The following CEP120 variants were observed in gnomAD, a reference collection of about 807,000 sequenced individuals.
The protein encoded by CEP120 is centrosomal protein of 120 kDa.
In CEP120, 113 loss-of-function variants were observed where a neutral mutation model predicts 126.5. The observed-to-expected ratio is 0.89, with a 90% confidence interval of 0.77 to 1.04. The LOEUF is 1.04. Ranked by LOEUF, CEP120 falls within the 50% of genes least tolerant of loss-of-function variation. The probability of loss-of-function intolerance (pLI) is 0.00; values close to 1 mark genes in which losing one functional copy is unlikely to be tolerated. For missense variants in CEP120, 1,230 were observed against 1,155.7 expected (o/e 1.06, Z -0.93); for synonymous variants, 400 against 394.3 (o/e 1.01, Z -0.17).
chr5:123,378,407 C>T lies in CEP120; in HGVS notation c.2125G>A (p.Glu709Lys), dbSNP rs1771403565. Residue 709 changes from glutamate to lysine, a missense_variant, in exon 15 of 20, where the codon GAA becomes AAA. Transcript: ENST00000306467. ...ATTAGAGTTTTTTGAAGTTTTCCTT[C>T]TAGAATAGTATATTCAGCCACCTAA... ...KKKVAEYTIL[E>K]GKLQKTLIDL... 3 of 1,579,584 alleles carry T rather than the reference C, an allele frequency of 1.9e-6. 1 individual carries two copies.
chr5:123,399,994 T>C (rs757965687), intron 4 of CEP120, among the ~76,000 whole-genome samples: 1 of 152,178 alleles, frequency 6.6e-6, no homozygotes, highest in Non-Finnish European at 1.5e-5. Flanking sequence ...TAATATCCAA[T>C]GTTGAGGAGA....
intron 18 of CEP120, among the ~76,000 whole-genome samples, chr5:123,353,187 T>C (rs1432435404): frequency 6.6e-6 from 1 of 152,022 alleles, no homozygotes; most frequent in African/African-American, 2.4e-5. Context: ...GTTTCTCTCA[T>C]TTCTGATCTC....
chr5:123,402,376 C>A, intron 4 of CEP120: 1 of 1,365,978 alleles, frequency 7.3e-7, no homozygotes, highest in South Asian at 1.7e-5. Context: ...GCGGGCCGAA[C>A]CAGGCAGAGA....
chr5:123,388,406 T>C (rs1167109686), intron 9 of CEP120, 26 bp downstream of exon 9: 2 of 1,431,426 alleles, frequency 1.4e-6, no homozygotes, highest in Non-Finnish European at 9.3e-7. Context: ...CAGAAAATAA[T>C]ACTTTGAAAC....
chr5:123,351,782 G>C (rs576452594), intron 18 of CEP120, among the ~76,000 whole-genome samples: 7 of 152,200 alleles, frequency 4.6e-5, no homozygotes, highest in African/African-American at 1.7e-4. Context: ...TGTGTGAACT[G>C]TCACATAGGG....
At chr5:123,387,274 A>G (rs1382734374) in intron 9 of CEP120, among the ~76,000 whole-genome samples, 7 of 152,198 alleles carry the variant, frequency 4.6e-5, no homozygotes. Context: ...AAACACTATT[A>G]GTAAAAACTG....
chr5:123,370,293 T>C (rs1446747188), intron 17 of CEP120, among the ~76,000 whole-genome samples: 2 of 151,978 alleles, frequency 1.3e-5, no homozygotes, highest in Non-Finnish European at 2.9e-5. Flanking sequence ...ACATAAGCTT[T>C]AAGGATTTGA....
intron 2 of CEP120, among the ~76,000 whole-genome samples, chr5:123,418,024 T>C (rs1413902698): frequency 6.6e-6 from 1 of 152,192 alleles, no homozygotes; most frequent in Non-Finnish European, 1.5e-5. Flanking sequence ...AGGTTGAACA[T>C]TCCTAATTTG....
At chr5:123,387,127 AGCCAT>A (rs1198714642) in intron 9 of CEP120, among the ~76,000 whole-genome samples, 2 of 152,160 alleles carry the variant, frequency 1.3e-5, no homozygotes, top group Non-Finnish European at 1.5e-5. Flanking sequence ...TTCATCACAA[AGCCAT>A]GCTAGATTAA....
At chr5:123,405,167 G>A (rs1472532056) in intron 4 of CEP120, among the ~76,000 whole-genome samples, 4 of 152,300 alleles carry the variant, frequency 2.6e-5, no homozygotes, top group South Asian at 2.1e-4. Flanking sequence ...AGGGAGCTAC[G>A]GAGAATCACA....
chr5:123,378,951 G>A (rs972429086), intron 14 of CEP120, among the ~76,000 whole-genome samples: 2 of 151,790 alleles, frequency 1.3e-5, no homozygotes, highest in Admixed American at 6.6e-5. Flanking sequence ...AGCCAATAAA[G>A]CCAACATGAG....
intron 5 of CEP120, among the ~76,000 whole-genome samples, chr5:123,394,957 G>T (rs2033221): frequency 0.4 from 61,463 of 152,008 alleles, 12,489 homozygotes; most frequent in East Asian, 0.48. Context: ...GAGATACATA[G>T]TCGCTGCTAC....
intron 11 of CEP120, among the ~76,000 whole-genome samples, chr5:123,383,986 G>C (rs867014491): frequency 4.6e-5 from 7 of 151,972 alleles, no homozygotes; most frequent in Admixed American, 6.6e-5. Flanking sequence ...AATGAATAAA[G>C]TTAAATGAAG....
At chr5:123,399,024 A>C (rs1271599553) in intron 5 of CEP120, 112 bp downstream of exon 5, 1 of 733,150 alleles carries the variant, frequency 1.4e-6, no homozygotes, top group Admixed American at 3.3e-5. Flanking sequence ...CTCATTTTTC[A>C]AAAGTTAAAA....
chr5:123,423,769 A>C (rs1774878598), upstream of CEP120, among the ~76,000 whole-genome samples: 1 of 152,158 alleles, frequency 6.6e-6, no homozygotes, highest in Non-Finnish European at 1.5e-5. Context: ...AAAAATAATG[A>C]CTTAAATCTA....
intron 8 of CEP120, 132 bp downstream of exon 8, chr5:123,389,792 G>C: frequency 1.3e-6 from 1 of 754,772 alleles, no homozygotes; most frequent in Non-Finnish European, 2.1e-6. Flanking sequence ...GAGCCACCGT[G>C]CCCAGCCTTA....
chr5:123,360,296 CA>C (rs1769982026), intron 18 of CEP120, among the ~76,000 whole-genome samples: 1 of 151,890 alleles, frequency 6.6e-6, no homozygotes, highest in Non-Finnish European at 1.5e-5. Flanking sequence ...CTAAAACAGT[CA>C]GGGGCAGAGC....
chr5:123,395,029 C>G (rs1455573492), intron 5 of CEP120, among the ~76,000 whole-genome samples: 1 of 152,206 alleles, frequency 6.6e-6, no homozygotes. Context: ...GAAGAACACA[C>G]TAACCATTAC....
At chr5:123,413,243 G>A (rs1001269396) in intron 3 of CEP120, among the ~76,000 whole-genome samples, 1 of 151,756 alleles carries the variant, frequency 6.6e-6, no homozygotes, top group Non-Finnish European at 1.5e-5. Context: ...CTGCACTCCA[G>A]CCTGAGCAAC....
Sources: gnomAD v4.1 joint callset for allele counts (sites outside exome capture counted in the v4.1 genomes callset) on GRCh38, gnomAD v4.1.1 for gene constraint, MANE v1.5 for transcripts, NCBI Gene and HGNC (gene_info 2026-07-23, HGNC 2026-07-21) for gene names.